SPAG16: variants seen among roughly 807,000 people sequenced by gnomAD.
SPAG16 encodes the protein sperm associated antigen 16.
In SPAG16, 86 loss-of-function variants were observed where a neutral mutation model predicts 80.4. That is an observed-to-expected ratio of 1.07 (90% CI 0.90 to 1.28). SPAG16 has a LOEUF of 1.28. SPAG16 is among the 50% of genes most tolerant of loss of function. SPAG16 has a pLI of 0.00. For missense variants in SPAG16, 870 were observed against 765.3 expected, an observed-to-expected ratio of 1.14 and a Z score of -1.61; for synonymous variants, 294 against 265.9, an observed-to-expected ratio of 1.11 and a Z score of -1.03.
intron 12 of SPAG16, among the ~76,000 whole-genome samples, chr2:214,002,136 C>T (rs1226793756): frequency 1.3e-5 from 2 of 152,174 alleles, no homozygotes; most frequent in Admixed American, 1.3e-4. Flanking sequence ...AATCATCTCC[C>T]ACTAGGTCCC....
In SPAG16 at chr2:214,214,215, C is replaced by T. The variant is rs953949644; in HGVS notation, c.1720+64949C>T. On this transcript the variant is annotated intron_variant, in intron 15 of 15. Coordinates refer to ENST00000331683, the MANE Select transcript of SPAG16 (RefSeq NM_024532.5). ...TTTTTTTTTGAGACAGAGTCACCCACGCTGGAATGCAGTGGCACAATCTGG... is the reference window on the plus strand; with the variant it reads ...TTTTTTTTTGAGACAGAGTCACCCATGCTGGAATGCAGTGGCACAATCTGG... Among the ~76,000 whole-genome samples, 13 of 143,924 alleles carry T rather than the reference C, an allele frequency of 9.0e-5. No individual in the cohort carries two copies. The Admixed American group carries it at 9.2e-4, about 10-fold the overall frequency. 94.4% of individuals were successfully genotyped at this position (143,924 alleles called of 152,430 possible). A position where few individuals can be genotyped will look rare whatever the true frequency, so the allele number is the denominator to read the frequency against.
chr2:213,859,171 T>G (rs1253639201), intron 10 of SPAG16, among the ~76,000 whole-genome samples: 1 of 63,834 alleles, frequency 1.6e-5, no homozygotes, highest in Non-Finnish European at 2.8e-5. Flanking sequence ...AGAGCGACAC[T>G]CCGTCTCAAA....
At chr2:213,845,417 C>T (rs1238777585) in intron 10 of SPAG16, among the ~76,000 whole-genome samples, 2 of 152,108 alleles carry the variant, frequency 1.3e-5, no homozygotes, top group Non-Finnish European at 2.9e-5. Flanking sequence ...AGGATCGTCT[C>T]GGTATCTTGA....
chr2:213,821,044 T>C (rs1483960419), intron 10 of SPAG16, among the ~76,000 whole-genome samples: 2 of 152,148 alleles, frequency 1.3e-5, no homozygotes, highest in African/African-American at 4.8e-5. Flanking sequence ...ATTGCAGTTT[T>C]TTAATAATTA....
At chr2:213,489,708 G>C (rs946382185) in intron 9 of SPAG16, among the ~76,000 whole-genome samples, 4 of 151,968 alleles carry the variant, frequency 2.6e-5, no homozygotes, top group African/African-American at 7.3e-5. Flanking sequence ...ATTCAAATAG[G>C]GAGTATTTTC....
chr2:213,974,656 G>A (rs2045262335), intron 12 of SPAG16, among the ~76,000 whole-genome samples: 2 of 151,954 alleles, frequency 1.3e-5, no homozygotes, highest in African/African-American at 2.4e-5. Flanking sequence ...ATTTATATAT[G>A]CTTTCTATAA....
intron 15 of SPAG16, among the ~76,000 whole-genome samples, chr2:214,241,915 G>C (rs754493166): frequency 2.0e-4 from 30 of 152,064 alleles, no homozygotes; most frequent in Non-Finnish European, 3.8e-4. Context: ...CTGATGGTCA[G>C]AGTCTGCTAA....
At chr2:213,410,531 G>A (rs1303606111) in intron 9 of SPAG16, among the ~76,000 whole-genome samples, 1 of 152,176 alleles carries the variant, frequency 6.6e-6, no homozygotes, top group Non-Finnish European at 1.5e-5. Context: ...GCCCACTGAA[G>A]AGCAAAGATG....
At chr2:213,847,031 T>C (rs539566979) in intron 10 of SPAG16, among the ~76,000 whole-genome samples, 1 of 152,322 alleles carries the variant, frequency 6.6e-6, no homozygotes, top group Admixed American at 6.5e-5. Context: ...CTTGTCAATT[T>C]CCAGAGGACA....
At chr2:214,279,103 CTT>C (rs35554459) in intron 15 of SPAG16, among the ~76,000 whole-genome samples, 4,182 of 128,160 alleles carry the variant, frequency 0.033, 99 homozygotes, top group African/African-American at 0.085. Context: ...ATGAAACAAG[CTT>C]TTTTTTTTTT....
chr2:213,356,422 A>G (rs2065654823), intron 7 of SPAG16, among the ~76,000 whole-genome samples: 1 of 152,214 alleles, frequency 6.6e-6, no homozygotes. Flanking sequence ...CCGCAATTTC[A>G]GAGCCTGTGA....
chr2:213,570,151 G>A (rs373883887), intron 10 of SPAG16, among the ~76,000 whole-genome samples: 1 of 43,394 alleles, frequency 2.3e-5, no homozygotes, highest in Non-Finnish European at 4.1e-5. Context: ...TCTTGCTAGC[G>A]GTCTATCAAT....
At chr2:213,588,691 A>C (rs1439829099) in intron 10 of SPAG16, among the ~76,000 whole-genome samples, 1 of 150,768 alleles carries the variant, frequency 6.6e-6, no homozygotes, top group African/African-American at 2.4e-5. Flanking sequence ...AGTCCCAGCT[A>C]CTCGGGAGGC....
chr2:213,542,894 G>A (rs890543433), intron 10 of SPAG16, among the ~76,000 whole-genome samples: 1 of 151,920 alleles, frequency 6.6e-6, no homozygotes, highest in African/African-American at 2.4e-5. Flanking sequence ...AAATTAAAAT[G>A]AATCAATGGA....
intron 6 of SPAG16, among the ~76,000 whole-genome samples, chr2:213,343,269 A>AGCCAT (rs2064793260): frequency 6.6e-6 from 1 of 152,120 alleles, no homozygotes; most frequent in African/African-American, 2.4e-5. Flanking sequence ...ATCCTCCACA[A>AGCCAT]GCCATGCCAC....
chr2:213,411,188 G>A (rs2068946322), intron 9 of SPAG16, among the ~76,000 whole-genome samples: 1 of 152,198 alleles, frequency 6.6e-6, no homozygotes, highest in Admixed American at 6.5e-5. Context: ...AACAACCAGA[G>A]GAAGGAAAAA....
intron 6 of SPAG16, among the ~76,000 whole-genome samples, chr2:213,344,148 A>G (rs1432355949): frequency 1.3e-5 from 2 of 152,124 alleles, no homozygotes; most frequent in East Asian, 1.9e-4. Context: ...TTGAATGACC[A>G]CTTCTTAAAA....
intron 1 of SPAG16, among the ~76,000 whole-genome samples, chr2:213,288,262 A>G (rs916588433): frequency 6.6e-6 from 1 of 151,758 alleles, no homozygotes; most frequent in African/African-American, 2.4e-5. Flanking sequence ...TCATTGCCAT[A>G]GTAATGTTGA....
chr2:213,955,697 T>A (rs923903463), intron 12 of SPAG16, among the ~76,000 whole-genome samples: 1 of 152,118 alleles, frequency 6.6e-6, no homozygotes, highest in Non-Finnish European at 1.5e-5. Context: ...TACTCAGATG[T>A]TCTATTTCAT....
Sources: gnomAD v4.1 joint callset for allele counts (sites outside exome capture counted in the v4.1 genomes callset) on GRCh38, gnomAD v4.1.1 for gene constraint, MANE v1.5 for transcripts, NCBI Gene and HGNC (gene_info 2026-07-23, HGNC 2026-07-21) for gene names.